The following FLYWCH1 variants were observed in gnomAD, a reference collection of about 807,000 sequenced individuals.
FLYWCH1 encodes FLYWCH-type zinc finger 1.
Under a neutral mutation model 66.4 loss-of-function variants are expected in FLYWCH1, and 75 were observed. That is an observed-to-expected ratio of 1.13 (90% CI 0.94 to 1.37). The LOEUF is 1.37. Among genes scored for constraint, FLYWCH1 ranks in the 40% most tolerant of loss-of-function variants. FLYWCH1 has a pLI of 0.00. For missense variants in FLYWCH1, 1,334 were observed against 1,001.8 expected (o/e 1.33, Z -4.48); for synonymous variants, 595 against 429.9 (o/e 1.38, Z -4.75).
At chr16:2,929,591 G>A (rs926521530) in intron 2 of FLYWCH1, 22 bp from the exon 3 acceptor site, 21 of 1,441,962 alleles carry the variant, frequency 1.5e-5, no homozygotes, top group Middle Eastern at 2.5e-4. Flanking sequence ...CACCACTGAC[G>A]GGATTTTGCT....
Position 2,933,963 on chromosome 16 carries a change from G to A in FLYWCH1, c.1497G>A (p.Ala499=), listed in dbSNP as rs370185529. The part of the protein sequence containing the change: ...LRQREKRPNT[A]QRGSPGGPEF... ...AGCGGGAGAAACGCCCCAACACGGC[G>A]CAGCGGGGGAGCCCAGGTACCTGGG... The change falls in exon 6 of 10, where the codon GCG becomes GCA. Residue 499 remains alanine, a synonymous_variant. Coordinates refer to ENST00000253928, the MANE Select transcript of FLYWCH1 (RefSeq NM_001308068.2). 153 of 1,543,398 alleles carry A rather than the reference G, an allele frequency of 9.9e-5. No individual in the cohort carries two copies. Among genetic ancestry groups the A allele is most frequent in the East Asian group, 4.4e-4 (18 of 41,220 alleles).
intron 9 of FLYWCH1, among the ~76,000 whole-genome samples, chr16:2,943,868 T>G (rs1418277867): frequency 6.6e-6 from 1 of 151,086 alleles, no homozygotes; most frequent in Non-Finnish European, 1.5e-5. Context: ...ACCCGGGAGG[T>G]GGAGGTTGCA....
chr16:2,938,037 C>T (rs1248400701), intron 7 of FLYWCH1, 147 bp from the exon 8 acceptor site: 2 of 779,414 alleles, frequency 2.6e-6, no homozygotes, highest in Non-Finnish European at 4.1e-6. Flanking sequence ...CTGCAGGGCC[C>T]AGAGGGGAGG....
intron 9 of FLYWCH1, among the ~76,000 whole-genome samples, chr16:2,948,301 G>A (rs1314352024): frequency 1.3e-5 from 2 of 152,154 alleles, no homozygotes; most frequent in African/African-American, 4.8e-5. Flanking sequence ...GCTCATGCCT[G>A]TAATCCCAGC....
In FLYWCH1 at chr16:2,950,131, A is replaced by G. The variant is rs1411340110; in HGVS notation, c.*1404A>G. Reference sequence around the variant, plus strand: ...CGCCATTAGCCTGCGTTACGCCTAGACTCATCTGCATAAGCCTGGGCAAGT... The same window carrying G: ...CGCCATTAGCCTGCGTTACGCCTAGGCTCATCTGCATAAGCCTGGGCAAGT... On this transcript the variant is annotated 3_prime_UTR_variant, in exon 10 of 10. Transcript: ENST00000253928. 6.6e-6 allele frequency: 1 copy of G among 152,124 alleles called. No homozygotes were observed. The highest frequency in any genetic ancestry group is 2.4e-5 in the African/African-American group (1 of 41,396). 9.4% of individuals were successfully genotyped at this position (152,124 alleles called of 1,614,324 possible).
At chr16:2,921,351 CTT>C (rs34365244) in intron 2 of FLYWCH1, among the ~76,000 whole-genome samples, 50 of 137,724 alleles carry the variant, frequency 3.6e-4, no homozygotes, top group Middle Eastern at 3.7e-3. Flanking sequence ...AATTTTAGGA[CTT>C]TTTTTTTTTT....
intron 9 of FLYWCH1, among the ~76,000 whole-genome samples, chr16:2,946,239 G>A (rs531340012): frequency 1.0e-4 from 15 of 149,366 alleles, no homozygotes; most frequent in Middle Eastern, 3.6e-3. Context: ...AGGCCTCCAC[G>A]TTCACTCACC....
intron 9 of FLYWCH1, among the ~76,000 whole-genome samples, chr16:2,945,902 C>T (rs1257588085): frequency 1.3e-5 from 2 of 151,616 alleles, no homozygotes; most frequent in Non-Finnish European, 2.9e-5. Context: ...GAGGCTGAGG[C>T]AGGAGAATGG....
rs1218919585 is a variant in FLYWCH1, at chr16:2,949,595, G to A, written c.*868G>A. 2.6e-5 allele frequency: 4 copies of A among 152,108 alleles called. No individual in the cohort carries two copies. Among genetic ancestry groups the A allele is most frequent in the Admixed American group, 6.6e-5 (1 of 15,258 alleles). 9.4% of individuals were successfully genotyped at this position (152,108 alleles called of 1,614,324 possible). On this transcript the variant is annotated 3_prime_UTR_variant, in exon 10 of 10. Transcript: ENST00000253928. ...TCCGGAGAGGCAAGATGACCCCACC[G>A]GGACTGCAGAGCCTCCTCCTTACTA... is the stretch of plus-strand genomic sequence containing the variant.
At chr16:2,933,691 C>A in intron 5 of FLYWCH1, 25 bp from the exon 6 acceptor site, 2 of 1,602,638 alleles carry the variant, frequency 1.2e-6, no homozygotes, top group Non-Finnish European at 8.5e-7. Flanking sequence ...GTCCCCTCCC[C>A]TGACTGCCTC....
Position 2,950,747 on chromosome 16 carries a change from C to A in FLYWCH1, c.*2020C>A. 1 of 152,436 alleles carries A rather than the reference C, an allele frequency of 6.6e-6. No individual in the cohort carries two copies. 9.4% of individuals were successfully genotyped at this position (152,436 alleles called of 1,614,324 possible). A position where few individuals can be genotyped will look rare whatever the true frequency, so the allele number is the denominator to read the frequency against. On this transcript the variant is annotated 3_prime_UTR_variant, in exon 10 of 10. Coordinates refer to ENST00000253928, the MANE Select transcript of FLYWCH1 (RefSeq NM_001308068.2). ...ATTGACCGGGACTGGCCCACTCTTCCTCTGCCTCACGCCTGCTTTGACCTT... is the reference window on the plus strand; with the variant it reads ...ATTGACCGGGACTGGCCCACTCTTCATCTGCCTCACGCCTGCTTTGACCTT...
chr16:2,933,470 T>C lies in FLYWCH1; in HGVS notation c.1137T>C (p.Gly379=), dbSNP rs764399331. The C allele has an allele frequency of 2.4e-5, 38 of 1,603,888 alleles. No individual in the cohort carries two copies. In the Admixed American group the frequency reaches 6.5e-4, roughly 28 times the overall value. Residue 379 remains glycine, a synonymous_variant, in exon 5 of 10, where the codon GGT becomes GGC. Transcript: ENST00000253928. ...GTTTGCTCTACCGCAGGGGTCCGGGTCCCCTGACTCTCACCAGGCCTCGGC... is the reference window on the plus strand; with the variant it reads ...GTTTGCTCTACCGCAGGGGTCCGGGCCCCCTGACTCTCACCAGGCCTCGGC... ...VDSLLYRRGP[G]PLTLTRPRPR...
chr16:2,920,730 G>A (rs370164429), intron 2 of FLYWCH1, among the ~76,000 whole-genome samples: 33 of 151,858 alleles, frequency 2.2e-4, no homozygotes, highest in East Asian at 1.4e-3. Context: ...TAGTGGAGAC[G>A]GGGTTTCTCC....
intron 2 of FLYWCH1, chr16:2,922,624 T>C (rs2070413837): frequency 1.3e-5 from 5 of 396,098 alleles, no homozygotes; most frequent in South Asian, 8.1e-5. Context: ...TGAAAAGATA[T>C]ACATATATTT....
At chr16:2,939,336 G>A (rs113240648) in intron 8 of FLYWCH1, among the ~76,000 whole-genome samples, 4 of 152,134 alleles carry the variant, frequency 2.6e-5, no homozygotes, top group African/African-American at 9.6e-5. Context: ...TCCCAGCTAC[G>A]CTGTAATCCC....
intron 2 of FLYWCH1, among the ~76,000 whole-genome samples, chr16:2,915,728 C>G (rs114416517): frequency 1.1e-4 from 17 of 149,944 alleles, no homozygotes; most frequent in South Asian, 8.4e-4. Flanking sequence ...GCCTGGGAAT[C>G]GGAGGTTGCA....
rs962793519 is a variant in FLYWCH1, at chr16:2,937,038, G to A, written c.1514-83G>A. On this transcript the variant is annotated intron_variant, in intron 6 of 9. Transcript: ENST00000253928. ...ACTGTGAGGAGGAGGTGTGGGCGTT[G>A]TGGGAGGTCTCATCTCGGGGCCATG... 15 of 1,432,112 alleles carry A rather than the reference G, an allele frequency of 1.0e-5. No individual in the cohort carries two copies. The African/African-American group carries it at 1.6e-4, about 15-fold the overall frequency. The allele number at this position is 1,432,112 out of a possible 1,614,324, so 88.7% of individuals were successfully genotyped here. A position where few individuals can be genotyped will look rare whatever the true frequency, so the allele number is the denominator to read the frequency against.
rs1370941881 is a variant in FLYWCH1 at position 2,938,461 on chromosome 16, A to G, written c.2050+5A>G. On this transcript the variant is annotated splice_donor_5th_base_variant and intron_variant, in intron 8 of 9. Transcript: ENST00000253928. ...CGGCCCAGCAGGAGGACCCAGGTAC[A>G]GGCAGGCTGTGGGGCAGAGGCAGGG... The G allele has an allele frequency of 6.6e-7, 1 of 1,518,378 alleles. No homozygotes were observed. The highest frequency in any genetic ancestry group is 1.4e-5 in the African/African-American group (1 of 71,706). The allele number at this position is 1,518,378 out of a possible 1,614,324, so 94.1% of individuals were successfully genotyped here.
At position 2,926,185 on chromosome 16, in the gene FLYWCH1, C is replaced by G. The variant is rs528427056; in HGVS notation, c.-73-3428C>G. On this transcript the variant is annotated intron_variant, in intron 2 of 9. Transcript: ENST00000253928. ...GTTAGAGCCTGTACAGAAAATCTAA[C>G]TATGCTATTTCAAACAATAGAACAA... 1.2e-4 allele frequency among the ~76,000 whole-genome samples: 19 copies of G among 152,312 alleles called. No homozygotes were observed. The South Asian group carries it at 3.9e-3, about 32-fold the overall frequency.
Sources: allele counts gnomAD v4.1 joint callset (sites outside exome capture counted in the v4.1 genomes callset), GRCh38; gene constraint gnomAD v4.1.1; transcripts MANE v1.5; gene names NCBI Gene and HGNC (gene_info 2026-07-23, HGNC 2026-07-21).